Variants in KIF26B observed in about 807,000 individuals in gnomAD.
KIF26B encodes kinesin-like protein KIF26B.
KIF26B carries 63 observed loss-of-function variants against 151.2 expected under a neutral mutation model. The observed-to-expected ratio is 0.42, with a 90% CI of 0.34 to 0.51. The LOEUF is 0.51. KIF26B is among the 20% of genes least tolerant of loss of function. The probability of loss-of-function intolerance (pLI) is 0.07; values close to 1 mark genes in which losing one functional copy is unlikely to be tolerated. For synonymous variants in KIF26B, 1,357 were observed against 1,262.1 expected, an observed-to-expected ratio of 1.08 and a Z score of -1.59; for missense variants, 2,813 against 2,913.6, an observed-to-expected ratio of 0.97 and a Z score of 0.79.
chr1:245,485,635 C>T (rs753329739), intron 4 of KIF26B, among the ~76,000 whole-genome samples: 1 of 152,202 alleles, frequency 6.6e-6, no homozygotes, highest in African/African-American at 2.4e-5. Flanking sequence ...CTGCCCGCCT[C>T]GGCCTCCCAG....
intron 2 of KIF26B, among the ~76,000 whole-genome samples, chr1:245,186,221 A>G (rs1668998739): frequency 1.3e-5 from 2 of 151,618 alleles, no homozygotes; most frequent in South Asian, 2.1e-4. Context: ...TAATTTTCCA[A>G]ATAACAGCCA....
At chr1:245,368,152 T>G (rs971757076) in intron 3 of KIF26B, among the ~76,000 whole-genome samples, 9 of 152,124 alleles carry the variant, frequency 5.9e-5, no homozygotes, top group African/African-American at 1.9e-4. Flanking sequence ...AGACCCAAAT[T>G]CTTTTCTATT....
At chr1:245,697,698 G>A (rs1177191079) in intron 12 of KIF26B, among the ~76,000 whole-genome samples, 2 of 152,032 alleles carry the variant, frequency 1.3e-5, no homozygotes, top group Non-Finnish European at 2.9e-5. Context: ...TGCTTGTCAT[G>A]ACCTCCTCTG....
chr1:245,537,026 C>T (rs1661501997), intron 4 of KIF26B, among the ~76,000 whole-genome samples: 1 of 152,192 alleles, frequency 6.6e-6, no homozygotes, highest in African/African-American at 2.4e-5. Context: ...ACGCCCACCT[C>T]TCAAGGGGAG....
At chr1:245,231,455 G>C (rs369701776) in intron 2 of KIF26B, among the ~76,000 whole-genome samples, 2 of 152,302 alleles carry the variant, frequency 1.3e-5, no homozygotes, top group African/African-American at 4.8e-5. Flanking sequence ...GGTGGAGGTT[G>C]CAGTGAGCCA....
intron 2 of KIF26B, among the ~76,000 whole-genome samples, chr1:245,310,825 T>A (rs1178408920): frequency 1.3e-5 from 2 of 152,160 alleles, no homozygotes; most frequent in African/African-American, 2.4e-5. Context: ...GGGCCGGCAC[T>A]GTGGAAAGGT....
rs144657186 is a variant in KIF26B, at chr1:245,222,582, C to T, written c.465+65899C>T. 2.4e-3 allele frequency among the ~76,000 whole-genome samples: 359 copies of T among 152,146 alleles called. 1 individual carries two copies. Among genetic ancestry groups the T allele is most frequent in the Middle Eastern group, 6.8e-3 (2 of 294 alleles). The stretch of plus-strand genomic sequence containing the variant: ...AAAATAGAGCAGCCTTATTAAAATA[C>T]GACAGAAGGGAAGCAAAATCAATAA... On this transcript the variant is annotated intron_variant, in intron 2 of 14. Coordinates refer to ENST00000407071, the MANE Select transcript of KIF26B (RefSeq NM_018012.4).
At chr1:245,632,465 T>C (rs2043791017) in intron 9 of KIF26B, among the ~76,000 whole-genome samples, 1 of 152,252 alleles carries the variant, frequency 6.6e-6, no homozygotes, top group South Asian at 2.1e-4. Flanking sequence ...GAATATTCCA[T>C]GTACTGATAA....
At chr1:245,655,832 C>T (rs778396871) in intron 10 of KIF26B, among the ~76,000 whole-genome samples, 9 of 152,182 alleles carry the variant, frequency 5.9e-5, no homozygotes, top group South Asian at 2.1e-4. Flanking sequence ...GAATGGTTTT[C>T]GTTCAGAGAT....
intron 4 of KIF26B, among the ~76,000 whole-genome samples, chr1:245,475,951 GTACACGAA>G (rs1660029327): frequency 6.6e-6 from 1 of 151,818 alleles, no homozygotes; most frequent in Admixed American, 6.6e-5. Context: ...ACAAACATTA[GTACACGAA>G]TGTTCATGGC....
intron 2 of KIF26B, among the ~76,000 whole-genome samples, chr1:245,364,184 T>C (rs1672886331): frequency 6.6e-6 from 1 of 152,122 alleles, no homozygotes; most frequent in Non-Finnish European, 1.5e-5. Context: ...TCTCCGCTTG[T>C]TAAATGTCAG....
intron 3 of KIF26B, among the ~76,000 whole-genome samples, chr1:245,401,225 T>G (rs916178172): frequency 2.0e-5 from 3 of 152,172 alleles, no homozygotes; most frequent in African/African-American, 7.2e-5. Context: ...TAAAGAGGTG[T>G]GAAAATTATC....
chr1:245,446,659 A>G lies in KIF26B; in HGVS notation c.1166+26914A>G, dbSNP rs373044072. ...CTAGAGTGCAACCTTTAGATTTAAG[A>G]GTAATAGAAAGAATAACTCCAAAAC... On this transcript the variant is annotated intron_variant, in intron 4 of 14. Transcript: ENST00000407071. 1.1e-3 allele frequency among the ~76,000 whole-genome samples: 161 copies of G among 152,296 alleles called. 1 individual carries two copies. Among genetic ancestry groups the G allele is most frequent in the African/African-American group, 3.6e-3 (148 of 41,576 alleles).
chr1:245,626,658 A>AT (rs1395991620), intron 9 of KIF26B, among the ~76,000 whole-genome samples: 6 of 151,670 alleles, frequency 4.0e-5, no homozygotes, highest in Admixed American at 1.3e-4. Context: ...GCTTGCAAAT[A>AT]TTTTTTTTCC....
intron 5 of KIF26B, among the ~76,000 whole-genome samples, chr1:245,570,268 A>G (rs2043054806): frequency 6.6e-6 from 1 of 151,994 alleles, no homozygotes; most frequent in African/African-American, 2.4e-5. Context: ...CACTTTATAG[A>G]TGAGAGAATT....
intron 2 of KIF26B, among the ~76,000 whole-genome samples, chr1:245,327,243 T>C (rs1672009707): frequency 6.6e-6 from 1 of 152,196 alleles, no homozygotes; most frequent in Non-Finnish European, 1.5e-5. Context: ...GTTAGGACCA[T>C]TACGATTTCT....
At chr1:245,331,144 G>A (rs1253035188) in intron 2 of KIF26B, among the ~76,000 whole-genome samples, 1 of 152,060 alleles carries the variant, frequency 6.6e-6, no homozygotes, top group Non-Finnish European at 1.5e-5. Flanking sequence ...GCCTGGGGGT[G>A]GCAGAGCAGA....
chr1:245,444,842 G>A (rs1659211346), intron 4 of KIF26B, among the ~76,000 whole-genome samples: 1 of 152,198 alleles, frequency 6.6e-6, no homozygotes, highest in South Asian at 2.1e-4. Context: ...GTGACATGAA[G>A]TGCCACAGAT....
chr1:245,539,190 G>A (rs1328542741), intron 4 of KIF26B, among the ~76,000 whole-genome samples: 1 of 152,070 alleles, frequency 6.6e-6, no homozygotes, highest in Admixed American at 6.5e-5. Flanking sequence ...TTTTACAGAT[G>A]AGAACAATTA....
Sources: allele counts gnomAD v4.1 joint callset (sites outside exome capture counted in the v4.1 genomes callset), GRCh38; gene constraint gnomAD v4.1.1; transcripts MANE v1.5; gene names NCBI Gene and HGNC (gene_info 2026-07-23, HGNC 2026-07-21).